EYS: variants seen among roughly 807,000 people sequenced by gnomAD.
EYS encodes EGF-like photoreceptor maintenance factor.
A neutral mutation model predicts 282.1 loss-of-function variants in EYS; 250 were observed. That is an observed-to-expected ratio of 0.89 (90% CI 0.80 to 0.98). EYS has a LOEUF of 0.98. EYS is among the 50% of genes least tolerant of loss of function. EYS has a pLI of 0.00. For synonymous variants in EYS, 1,355 were observed against 1,282.9 expected, an observed-to-expected ratio of 1.06 and a Z score of -1.20; for missense variants, 4,016 against 3,709.0, an observed-to-expected ratio of 1.08 and a Z score of -2.15.
At chr6:64,901,868 A>C (rs943434903) in intron 18 of EYS, among the ~76,000 whole-genome samples, 2 of 152,166 alleles carry the variant, frequency 1.3e-5, no homozygotes, top group African/African-American at 4.8e-5. Flanking sequence ...TAACATGGAA[A>C]CTAAGGAGCA....
intron 22 of EYS, among the ~76,000 whole-genome samples, chr6:64,797,531 G>A (rs1184712221): frequency 6.6e-6 from 1 of 151,784 alleles, no homozygotes; most frequent in Non-Finnish European, 1.5e-5. Flanking sequence ...GATTAAAAGG[G>A]TATATTTAAC....
chr6:63,985,187 A>G (rs1281345027), intron 34 of EYS, among the ~76,000 whole-genome samples: 3 of 151,732 alleles, frequency 2.0e-5, no homozygotes. Context: ...GGACTTTTAT[A>G]AAGAAGCTTG....
chr6:65,688,139 A>G (rs540034476), intron 1 of EYS, among the ~76,000 whole-genome samples: 1 of 152,306 alleles, frequency 6.6e-6, no homozygotes, highest in African/African-American at 2.4e-5. Context: ...ATCCTAAGCC[A>G]AAAGAACAAA....
chr6:63,880,487 G>GTCTGTATCTATCTATCTATCTATCTATC (rs537041801), intron 35 of EYS, among the ~76,000 whole-genome samples: 3 of 142,880 alleles, frequency 2.1e-5, no homozygotes, highest in East Asian at 2.1e-4. Flanking sequence ...CTGTCTGTCT[G>GTCTGTATCTATCTATCTATCTATCTATC]TATCTATCTA....
At chr6:63,994,044 T>C (rs1361694251) in intron 34 of EYS, among the ~76,000 whole-genome samples, 2 of 151,892 alleles carry the variant, frequency 1.3e-5, no homozygotes, top group African/African-American at 4.8e-5. Context: ...TGGAAAATAA[T>C]CTTCAACAAA....
intron 1 of EYS, among the ~76,000 whole-genome samples, chr6:65,700,515 T>C (rs1769636507): frequency 6.6e-6 from 1 of 152,206 alleles, no homozygotes; most frequent in Non-Finnish European, 1.5e-5. Context: ...AACTTTTAAT[T>C]TGTATGGTAG....
intron 39 of EYS, chr6:63,787,487 A>G (rs780926995): frequency 6.6e-6 from 1 of 152,214 alleles, no homozygotes; most frequent in African/African-American, 2.4e-5. Flanking sequence ...ATTCCTTTAA[A>G]TCATGCTCTC....
At chr6:63,858,363 C>G (rs1772446711) in intron 36 of EYS, among the ~76,000 whole-genome samples, 1 of 152,142 alleles carries the variant, frequency 6.6e-6, no homozygotes, top group South Asian at 2.1e-4. Context: ...CCTGGCCCAT[C>G]AAAGCTATTT....
At chr6:64,071,419 T>C (rs1771571391) in intron 32 of EYS, among the ~76,000 whole-genome samples, 1 of 151,858 alleles carries the variant, frequency 6.6e-6, no homozygotes, top group Admixed American at 6.6e-5. Context: ...TTTTATCTAC[T>C]TGTAAATTTA....
At chr6:63,753,411 CAT>C (rs1769395838) in intron 41 of EYS, among the ~76,000 whole-genome samples, 1 of 151,884 alleles carries the variant, frequency 6.6e-6, no homozygotes, top group South Asian at 2.1e-4. Context: ...ATTTGGAAGG[CAT>C]ATGTTTTAGC....
At chr6:64,895,952 T>A (rs1767447287) in intron 18 of EYS, among the ~76,000 whole-genome samples, 1 of 152,038 alleles carries the variant, frequency 6.6e-6, no homozygotes, top group South Asian at 2.1e-4. Flanking sequence ...AACCATATAC[T>A]AAATAATAAA....
intron 15 of EYS, among the ~76,000 whole-genome samples, chr6:64,917,627 A>G (rs533639036): frequency 1.3e-5 from 2 of 152,318 alleles, no homozygotes; most frequent in Middle Eastern, 3.4e-3. Flanking sequence ...CCAATTGTAC[A>G]TGATCATGAC....
chr6:64,696,251 C>G (rs762456493), intron 22 of EYS, among the ~76,000 whole-genome samples: 10 of 151,972 alleles, frequency 6.6e-5, no homozygotes, highest in Admixed American at 5.2e-4. Context: ...TAGAATAGAC[C>G]GAGCACAAGA....
chr6:65,047,862 C>G (rs1773148460), intron 13 of EYS, among the ~76,000 whole-genome samples: 1 of 151,884 alleles, frequency 6.6e-6, no homozygotes, highest in Non-Finnish European at 1.5e-5. Context: ...GTGCTAGAAC[C>G]TAAGGCAGAG....
chr6:65,520,800 T>C (rs1767337018), intron 2 of EYS, among the ~76,000 whole-genome samples: 1 of 152,100 alleles, frequency 6.6e-6, no homozygotes, highest in African/African-American at 2.4e-5. Flanking sequence ...ATGCTTCTTC[T>C]ATCTTCTTTT....
intron 22 of EYS, among the ~76,000 whole-genome samples, chr6:64,781,732 T>A (rs909624136): frequency 1.3e-5 from 2 of 152,328 alleles, no homozygotes; most frequent in East Asian, 3.9e-4. Flanking sequence ...ATCCTGGTTT[T>A]CTTTTTCATA....
At chr6:64,468,493 T>C (rs1775995597) in intron 26 of EYS, among the ~76,000 whole-genome samples, 1 of 152,134 alleles carries the variant, frequency 6.6e-6, no homozygotes, top group Non-Finnish European at 1.5e-5. Flanking sequence ...ACAAAATAAT[T>C]CTCTCCCTTT....
chr6:63,989,150 G>A (rs1272707145), intron 34 of EYS, among the ~76,000 whole-genome samples: 3 of 151,626 alleles, frequency 2.0e-5, no homozygotes, highest in Non-Finnish European at 4.4e-5. Context: ...CGGTTAAGAT[G>A]AATTATCAGA....
At chr6:64,610,243 A>G (rs2149843998) in intron 24 of EYS, among the ~76,000 whole-genome samples, 1 of 152,254 alleles carries the variant, frequency 6.6e-6, no homozygotes, top group East Asian at 1.9e-4. Context: ...AATATATTCT[A>G]GGTTTCTACC....
Sources: allele counts gnomAD v4.1 joint callset (sites outside exome capture counted in the v4.1 genomes callset), GRCh38; gene constraint gnomAD v4.1.1; transcripts MANE v1.5; gene names NCBI Gene and HGNC (gene_info 2026-07-23, HGNC 2026-07-21).